The following KMT2E variants were observed in gnomAD, a reference collection of about 807,000 sequenced individuals.
KMT2E encodes the protein histone reader KMT2E.
Under a neutral mutation model 184.6 loss-of-function variants are expected in KMT2E, and 30 were observed. That is an observed-to-expected ratio of 0.16 (90% CI 0.12 to 0.22). KMT2E has a LOEUF of 0.22. KMT2E is among the 10% of genes least tolerant of loss of function. KMT2E has a pLI of 1.00. For missense variants in KMT2E, 2,023 were observed against 2,237.4 expected (o/e 0.90, Z 1.93); for synonymous variants, 815 against 776.5 (o/e 1.05, Z -0.82).
At chr7:105,079,355 C>T (rs1194865531) in intron 12 of KMT2E, among the ~76,000 whole-genome samples, 4 of 151,536 alleles carry the variant, frequency 2.6e-5, no homozygotes, top group East Asian at 2.0e-4. Context: ...AGGCTGGTCT[C>T]GAACTCCGGA....
chr7:105,080,231 A>C (rs1046825160), intron 12 of KMT2E, among the ~76,000 whole-genome samples: 2 of 152,214 alleles, frequency 1.3e-5, no homozygotes, highest in African/African-American at 4.8e-5. Context: ...GACAAAGCTA[A>C]AATCTAAAGT....
At chr7:105,106,099 TAGAAG>T in intron 19 of KMT2E, 96 bp downstream of exon 19, 1 of 1,223,822 alleles carries the variant, frequency 8.2e-7, no homozygotes, top group Non-Finnish European at 1.1e-6. Flanking sequence ...GTATGCACTT[TAGAAG>T]AGAAGCACAT....
chr7:105,110,129 T>G (rs968965199), intron 23 of KMT2E, 151 bp from the exon 24 acceptor site: 6 of 665,540 alleles, frequency 9.0e-6, no homozygotes, highest in African/African-American at 1.8e-5. Context: ...CACTGTGCCC[T>G]GCCAAGATTA....
intron 6 of KMT2E, among the ~76,000 whole-genome samples, chr7:105,069,246 T>A (rs554897525): frequency 6.6e-6 from 1 of 152,330 alleles, no homozygotes; most frequent in East Asian, 1.9e-4. Context: ...ATAAAATACA[T>A]GAGTTTATAC....
At position 105,081,707 on chromosome 7, in the gene KMT2E, A is replaced by G. The variant is rs758706896; in HGVS notation, c.1268A>G (p.Asp423Gly). The change falls in exon 13 of 27, where the codon GAT (aspartate) becomes GGT (glycine). Residue 423 changes from aspartate to glycine, a missense_variant. Asp to Gly is a moderately conservative substitution (Grantham distance 94). This residue lies in a region of KMT2E where 68 missense variants were observed against 133.1 expected (regional missense o/e 0.51). Coordinates refer to ENST00000311117, the MANE Select transcript of KMT2E (RefSeq NM_182931.3). The stretch of plus-strand genomic sequence containing the variant: ...TTTTAGGTGAGGCATGAAATTCAAG[A>G]TGGAACCATACATCTTTATATTTAT... The part of the protein sequence containing the change: ...PNAEVRHEIQ[D>G]GTIHLYIYSI... 3.4e-6 allele frequency: 5 copies of G among 1,486,574 alleles called. No homozygotes were observed. Among genetic ancestry groups the G allele is most frequent in the Non-Finnish European group, 4.6e-6 (5 of 1,083,486 alleles). 92.1% of individuals were successfully genotyped at this position (1,486,574 alleles called of 1,614,324 possible). A position where few individuals can be genotyped will look rare whatever the true frequency, so the allele number is the denominator to read the frequency against.
At position 105,113,201 on chromosome 7, in the gene KMT2E, T is replaced by A; in HGVS notation, c.5445T>A (p.Pro1815=). Residue 1815 remains proline (P), a synonymous_variant, in exon 27 of 27, where the codon CCT becomes CCA. Coordinates refer to ENST00000311117, the MANE Select transcript of KMT2E (RefSeq NM_182931.3). ...CTGCTTCAGGGTTCTGTCCTCATCCTGGCTCTGTGGCCCTGCCACATGGGG... is the reference window on the plus strand; with the variant it reads ...CTGCTTCAGGGTTCTGTCCTCATCCAGGCTCTGTGGCCCTGCCACATGGGG... ...TPTASGFCPH[P]GSVALPHGVQ... 1 of 1,614,238 alleles carries A rather than the reference T, an allele frequency of 6.2e-7. No individual in the cohort carries two copies. The highest frequency in any genetic ancestry group is 1.1e-5 in the South Asian group (1 of 91,090).
In KMT2E at chr7:105,068,625, TTTTTTTTTTTTTTG is replaced by T. The variant is rs1220489323; in HGVS notation, c.497+1832_497+1845del. ...CGCCACCATGCCTGACTAGTTGTGG[TTTTTTTTTTTTTTG>T]TTTTTTTTTTTTTTTTGTAGGCACA... On this transcript the variant is annotated intron_variant, in intron 6 of 26. Transcript: ENST00000311117. Among the ~76,000 whole-genome samples, 90 of 115,972 alleles carry T rather than the reference TTTTTTTTTTTTTTG, an allele frequency of 7.8e-4. 1 individual carries two copies. The highest frequency in any genetic ancestry group is 3.4e-3 in the African/African-American group (82 of 24,136). The allele number at this position is 115,972 out of a possible 152,430, so 76.1% of individuals were successfully genotyped here. A position where few individuals can be genotyped will look rare whatever the true frequency, so the allele number is the denominator to read the frequency against.
At position 105,065,791 on chromosome 7, in the gene KMT2E, G is replaced by A. The variant is rs551024764; in HGVS notation, c.417-936G>A. On this transcript the variant is annotated intron_variant, in intron 5 of 26. Transcript: ENST00000311117. Reference sequence around the variant, plus strand: ...CCACGAAAAGCAAACCATGGATAAGGGGGAAGCTACTGTAGTTATATATTA... The same window carrying A: ...CCACGAAAAGCAAACCATGGATAAGAGGGAAGCTACTGTAGTTATATATTA... Among the ~76,000 whole-genome samples the A allele has an allele frequency of 2.1e-4, 32 of 152,192 alleles. 1 individual carries two copies. In the South Asian group the frequency reaches 6.6e-3, roughly 32 times the overall value.
chr7:105,087,221 T>TATTATAA (rs1798014664), intron 13 of KMT2E, among the ~76,000 whole-genome samples: 1 of 145,784 alleles, frequency 6.9e-6, no homozygotes, highest in Non-Finnish European at 1.5e-5. Flanking sequence ...ATAATATATA[T>TATTATAA]TATATAAGCA....
intron 15 of KMT2E, among the ~76,000 whole-genome samples, chr7:105,093,641 G>A (rs1206488132): frequency 4.0e-5 from 6 of 151,886 alleles, no homozygotes; most frequent in African/African-American, 9.7e-5. Context: ...CTGAGATCAC[G>A]CCATTGCACT....
intron 13 of KMT2E, among the ~76,000 whole-genome samples, chr7:105,082,055 C>G (rs1050265049): frequency 1.3e-5 from 2 of 152,140 alleles, no homozygotes; most frequent in East Asian, 1.9e-4. Flanking sequence ...TTCAGCCATA[C>G]AACACTGACC....
intron 1 of KMT2E, among the ~76,000 whole-genome samples, chr7:105,026,891 C>G (rs1359606081): frequency 1.3e-5 from 2 of 152,084 alleles, no homozygotes; most frequent in Admixed American, 1.3e-4. Context: ...AAATTGGTAC[C>G]TCTTACCTCC....
intron 1 of KMT2E, among the ~76,000 whole-genome samples, chr7:105,022,788 T>TA (rs1472787614): frequency 2.6e-5 from 4 of 152,182 alleles, no homozygotes. Flanking sequence ...TACATACACA[T>TA]ATACACCAGG....
At position 105,112,649 on chromosome 7, in the gene KMT2E, A is replaced by G. The variant is rs771928015; in HGVS notation, c.4893A>G (p.Pro1631=). The change falls in exon 27 of 27, where the codon CCA becomes CCG. Residue 1631 remains proline, a synonymous_variant. Coordinates refer to ENST00000311117, the MANE Select transcript of KMT2E (RefSeq NM_182931.3). ...CTGCCGTAGTCCCCCCTCCTCCTCC[A>G]CCACCACCTGCTCCAGGACCGCACC... ...TAAAVVPPPP[P]PPPAPGPHLV... 7 of 1,612,668 alleles carry G rather than the reference A, an allele frequency of 4.3e-6. No homozygotes were observed. In the African/African-American group the frequency reaches 9.4e-5, roughly 22 times the overall value.
At chr7:105,082,141 G>A (rs1166805679) in intron 13 of KMT2E, among the ~76,000 whole-genome samples, 3 of 152,260 alleles carry the variant, frequency 2.0e-5, no homozygotes, top group South Asian at 4.1e-4. Flanking sequence ...TAATCAGTAT[G>A]AATGAATAAT....
rs1349775261 is a variant in KMT2E, at chr7:105,103,821, CTTTTTCT to C, written c.2197-1612_2197-1606del. The C allele has an allele frequency of 2.2e-5, 3 of 134,724 alleles. No homozygotes were observed. In the East Asian group the frequency reaches 6.9e-4, roughly 31 times the overall value. 8.3% of individuals were successfully genotyped at this position (134,724 alleles called of 1,614,324 possible). A position where few individuals can be genotyped will look rare whatever the true frequency, so the allele number is the denominator to read the frequency against. On this transcript the variant is annotated intron_variant, in intron 17 of 26. Coordinates refer to ENST00000311117, the MANE Select transcript of KMT2E (RefSeq NM_182931.3). ...ATATATACTAAGTTCTGTACATTTT[CTTTTTCT>C]TTTTTTTTTTTTTTTTTGAGATGGA...
chr7:105,044,652 G>T (rs995353394), intron 3 of KMT2E, among the ~76,000 whole-genome samples: 16 of 152,140 alleles, frequency 1.1e-4, no homozygotes, highest in African/African-American at 3.9e-4. Context: ...TGGAGCAGCA[G>T]TGACCCTATT....
At position 105,107,897 on chromosome 7, in the gene KMT2E, C is replaced by T. The variant is rs761874325; in HGVS notation, c.3440C>T (p.Thr1147Ile). The change falls in exon 22 of 27, where the codon ACA becomes ATA. Residue 1147 changes from threonine (T) to isoleucine (I), a missense_variant. Around this residue, in one of 8 missense-constraint regions of KMT2E, gnomAD observed 1,108 missense variants for 1,050.9 expected, o/e 1.05. Transcript: ENST00000311117. Reference protein sequence around the residue: ...VNDNLIDGNCTPQNPPQKKKV... With the variant: ...VNDNLIDGNCIPQNPPQKKKV... ...GACAATTTGATCGACGGGAATTGCA[C>T]ACCCCAGAATCCACCACAAAAGAAA... is the stretch of plus-strand genomic sequence containing the variant. The T allele has an allele frequency of 1.2e-6, 2 of 1,613,050 alleles. No individual in the cohort carries two copies. Among genetic ancestry groups the T allele is most frequent in the Admixed American group, 3.3e-5 (2 of 59,956 alleles).
chr7:105,085,755 C>G (rs1458404744), intron 13 of KMT2E, among the ~76,000 whole-genome samples: 1 of 151,264 alleles, frequency 6.6e-6, no homozygotes, highest in Non-Finnish European at 1.5e-5. Context: ...ACAATTTCAG[C>G]TCACTGCAGG....
Sources: gnomAD v4.1 joint callset for allele counts (sites outside exome capture counted in the v4.1 genomes callset) on GRCh38, gnomAD v4.1.1 for gene constraint, gnomAD v4.1.1 regional missense constraint, MANE v1.5 for transcripts, NCBI Gene and HGNC (gene_info 2026-07-23, HGNC 2026-07-21) for gene names.